The following SPTLC2 variants were observed in gnomAD, a reference collection of about 807,000 sequenced individuals.
SPTLC2 encodes the protein serine palmitoyltransferase 2.
In SPTLC2, 21 loss-of-function variants were observed where a neutral mutation model predicts 62.0. The observed-to-expected ratio is 0.34, with a 90% confidence interval of 0.24 to 0.49. SPTLC2 has a LOEUF of 0.49. Ranked by LOEUF, SPTLC2 falls within the 20% of genes least tolerant of loss-of-function variation. The pLI, the probability that SPTLC2 is intolerant of heterozygous loss-of-function variation, is 0.99. For synonymous variants in SPTLC2, 261 were observed against 261.8 expected (o/e 1.00, Z 0.03); for missense variants, 511 against 713.0 (o/e 0.72, Z 3.23).
At position 77,526,574 on chromosome 14, in the gene SPTLC2, G is replaced by C. The variant is rs556706540; in HGVS notation, c.1304-4993C>G. Among the ~76,000 whole-genome samples, 4 of 152,220 alleles carry C rather than the reference G, an allele frequency of 2.6e-5. No individual in the cohort carries two copies. The East Asian group carries it at 5.8e-4, about 22-fold the overall frequency. On this transcript the variant is annotated intron_variant, in intron 9 of 11. Transcript: ENST00000216484. ...GTCCTTTTGGACTTCAATATGGTTT[G>C]TTAGAATAAAACTATTTTTAGGAAC...
chr14:77,535,169 T>G (rs2079462904), intron 9 of SPTLC2, among the ~76,000 whole-genome samples: 1 of 152,134 alleles, frequency 6.6e-6, no homozygotes, highest in Non-Finnish European at 1.5e-5. Flanking sequence ...TTAGGTGATC[T>G]GCCCGCCTCG....
chr14:77,603,965 T>G (rs1306818028), intron 1 of SPTLC2, among the ~76,000 whole-genome samples: 1 of 152,230 alleles, frequency 6.6e-6, no homozygotes, highest in African/African-American at 2.4e-5. Flanking sequence ...CCTCCACTGC[T>G]GACACGTTCT....
rs972098470 is a variant in SPTLC2 at position 77,510,822 on chromosome 14, C to T, written c.*1462G>A. On this transcript the variant is annotated 3_prime_UTR_variant, in exon 12 of 12. Transcript: ENST00000216484. ...TTTTTCCATTCTGTTCCCAATCCTT[C>T]TCCTGTAATACTTGATGGATACAAA... 1 of 152,586 alleles carries T rather than the reference C, an allele frequency of 6.6e-6. No individual in the cohort carries two copies. Among genetic ancestry groups the T allele is most frequent in the African/African-American group, 2.4e-5 (1 of 41,434 alleles). The allele number at this position is 152,586 out of a possible 1,614,324, so 9.5% of individuals were successfully genotyped here. A position where few individuals can be genotyped will look rare whatever the true frequency, so the allele number is the denominator to read the frequency against.
intron 1 of SPTLC2, among the ~76,000 whole-genome samples, chr14:77,605,848 G>C (rs2267747): frequency 0.41 from 62,139 of 152,090 alleles, 13,322 homozygotes; most frequent in East Asian, 0.64. Context: ...GGAGTGGCCT[G>C]TAACAAACAT....
chr14:77,525,775 G>C (rs1330818944), intron 9 of SPTLC2, among the ~76,000 whole-genome samples: 1 of 152,060 alleles, frequency 6.6e-6, no homozygotes, highest in Non-Finnish European at 1.5e-5. Context: ...TTAGCCGGGC[G>C]TGGTGGTGGG....
At chr14:77,593,444 C>T (rs1249236701) in intron 2 of SPTLC2, among the ~76,000 whole-genome samples, 2 of 152,118 alleles carry the variant, frequency 1.3e-5, no homozygotes, top group Non-Finnish European at 2.9e-5. Flanking sequence ...CTGTCACGTA[C>T]GTGTTTCTGA....
At chr14:77,513,200 C>A (rs12433414) in intron 11 of SPTLC2, among the ~76,000 whole-genome samples, 4 of 151,396 alleles carry the variant, frequency 2.6e-5, no homozygotes, top group Admixed American at 6.6e-5. Context: ...AATTTTTGTC[C>A]AGACAGGGTT....
At chr14:77,588,016 CCTCAAATT>C (rs1255057843) in intron 2 of SPTLC2, among the ~76,000 whole-genome samples, 1 of 152,108 alleles carries the variant, frequency 6.6e-6, no homozygotes. Context: ...CTCACTGCAG[CCTCAAATT>C]CTTGGACTCA....
intron 2 of SPTLC2, among the ~76,000 whole-genome samples, chr14:77,596,154 A>G (rs907724045): frequency 6.6e-6 from 1 of 152,048 alleles, no homozygotes; most frequent in Non-Finnish European, 1.5e-5. Flanking sequence ...TGGCTAACAC[A>G]GTAAAACCCC....
intron 9 of SPTLC2, among the ~76,000 whole-genome samples, chr14:77,529,811 T>C (rs1211210023): frequency 1.3e-5 from 2 of 151,514 alleles, no homozygotes; most frequent in Non-Finnish European, 2.9e-5. Flanking sequence ...TCAGTAGAGA[T>C]GGGACTTCAC....
At chr14:77,526,936 A>G (rs2079411852) in intron 9 of SPTLC2, among the ~76,000 whole-genome samples, 1 of 151,478 alleles carries the variant, frequency 6.6e-6, no homozygotes, top group Non-Finnish European at 1.5e-5. Context: ...CTGGGACTGC[A>G]GCAACCCGCC....
chr14:77,573,268 TAGC>T (rs1398245490), intron 4 of SPTLC2, among the ~76,000 whole-genome samples: 1 of 152,150 alleles, frequency 6.6e-6, no homozygotes, highest in African/African-American at 2.4e-5. Context: ...TAATGTTTGA[TAGC>T]AGAGTAGGGT....
chr14:77,557,015 A>G (rs763230947), intron 7 of SPTLC2, 26 bp downstream of exon 7: 2 of 1,592,168 alleles, frequency 1.3e-6, no homozygotes, highest in South Asian at 1.1e-5. Flanking sequence ...CAAGTCACAA[A>G]GGTAAGAATA....
intron 9 of SPTLC2, chr14:77,547,532 T>A (rs530404965): frequency 5.2e-4 from 79 of 152,324 alleles, no homozygotes; most frequent in African/African-American, 1.9e-3. Flanking sequence ...TGCATGGGAA[T>A]CTTGGAATGT....
intron 1 of SPTLC2, among the ~76,000 whole-genome samples, chr14:77,613,572 C>T (rs1356888763): frequency 6.6e-6 from 1 of 152,210 alleles, no homozygotes; most frequent in Non-Finnish European, 1.5e-5. Context: ...TTACTATACA[C>T]ATTCATTCAT....
intron 9 of SPTLC2, among the ~76,000 whole-genome samples, chr14:77,536,953 C>T (rs1165256142): frequency 6.7e-6 from 1 of 149,912 alleles, no homozygotes; most frequent in East Asian, 2.0e-4. Context: ...GATGAAGTCT[C>T]GCTCTGTTGC....
chr14:77,529,250 CTTCTTTTTTTTTTT>C (rs1226031333), intron 9 of SPTLC2, among the ~76,000 whole-genome samples: 2 of 107,408 alleles, frequency 1.9e-5, no homozygotes, highest in African/African-American at 4.3e-5. Flanking sequence ...TTGAAAACTT[CTTCTTTTTTTTTTT>C]TTTTTTTTTT....
In SPTLC2 at chr14:77,509,970, G is replaced by A. The variant is rs886050842; in HGVS notation, c.*2314C>T. ...CCAAAATAAAAAGACTAGCAGGTAA[G>A]TTCATTGCTTATAAGTTTGTGACTT... On this transcript the variant is annotated 3_prime_UTR_variant, in exon 12 of 12. Coordinates refer to ENST00000216484, the MANE Select transcript of SPTLC2 (RefSeq NM_004863.4). 20 of 398,288 alleles carry A rather than the reference G, an allele frequency of 5.0e-5. No individual in the cohort carries two copies. Among genetic ancestry groups the A allele is most frequent in the Non-Finnish European group, 7.5e-5 (17 of 225,978 alleles). 24.7% of individuals were successfully genotyped at this position (398,288 alleles called of 1,614,324 possible). A position where few individuals can be genotyped will look rare whatever the true frequency, so the allele number is the denominator to read the frequency against.
Position 77,597,249 on chromosome 14 carries a change from T to G in SPTLC2, c.264A>C (p.Arg88=), listed in dbSNP as rs778242101. 1.7e-5 allele frequency: 28 copies of G among 1,614,066 alleles called. No individual in the cohort carries two copies. The Admixed American group carries it at 2.2e-4, about 12-fold the overall frequency. Residue 88 remains arginine (R), a synonymous_variant, in exon 2 of 12, where the codon CGA becomes CGC. Coordinates refer to ENST00000216484, the MANE Select transcript of SPTLC2 (RefSeq NM_004863.4). ...YGVLTLFGYL[R]DFLRYWRIEK... is the part of the protein sequence containing the mutation. ...CAATTCTCCAATACCTCAAGAAATC[T>G]CGAAGATATCCAAAGAGGGTGAGTA...
Sources: gnomAD v4.1 joint callset for allele counts (sites outside exome capture counted in the v4.1 genomes callset) on GRCh38, gnomAD v4.1.1 for gene constraint, MANE v1.5 for transcripts, NCBI Gene and HGNC (gene_info 2026-07-23, HGNC 2026-07-21) for gene names.